KIAA1217: variants seen among roughly 807,000 people sequenced by gnomAD.
KIAA1217 encodes sickle tail protein homolog.
A neutral mutation model predicts 163.9 loss-of-function variants in KIAA1217; 88 were observed. That is an observed-to-expected ratio of 0.54 (90% CI 0.45 to 0.64). The LOEUF (loss-of-function observed/expected upper bound fraction) is 0.64. Ranked by LOEUF, KIAA1217 falls within the 30% of genes least tolerant of loss-of-function variation. KIAA1217 has a pLI of 0.00. For missense variants in KIAA1217, 2,372 were observed against 2,475.0 expected, an observed-to-expected ratio of 0.96 and a Z score of 0.88; for synonymous variants, 903 against 923.1, an observed-to-expected ratio of 0.98 and a Z score of 0.39.
At chr10:23,755,161 ATTCT>A (rs1375772507) in intron 1 of KIAA1217, among the ~76,000 whole-genome samples, 1 of 152,198 alleles carries the variant, frequency 6.6e-6, no homozygotes, top group Non-Finnish European at 1.5e-5. Context: ...TGTGGCCCAG[ATTCT>A]TTCCTGAGCT....
chr10:24,446,738 T>G (rs1440097413), intron 5 of KIAA1217, among the ~76,000 whole-genome samples: 1 of 152,206 alleles, frequency 6.6e-6, no homozygotes, highest in Non-Finnish European at 1.5e-5. Flanking sequence ...TTGCTTGTAT[T>G]TACTGCCATT....
intron 2 of KIAA1217, among the ~76,000 whole-genome samples, chr10:24,283,857 G>A (rs1251391194): frequency 1.3e-5 from 2 of 151,340 alleles, no homozygotes; most frequent in African/African-American, 2.4e-5. Flanking sequence ...GTTTTAATTT[G>A]CAATTCCTTA....
chr10:24,424,216 C>T (rs2058999186), intron 3 of KIAA1217, among the ~76,000 whole-genome samples: 1 of 152,154 alleles, frequency 6.6e-6, no homozygotes, highest in Admixed American at 6.5e-5. Context: ...CGGGAGAGTT[C>T]TCTCTGGGAT....
intron 1 of KIAA1217, among the ~76,000 whole-genome samples, chr10:23,997,262 A>G (rs1846530141): frequency 6.6e-6 from 1 of 152,212 alleles, no homozygotes; most frequent in African/African-American, 2.4e-5. Flanking sequence ...CCACATTATC[A>G]CATGTCCCCC....
At position 24,462,102 on chromosome 10, in the gene KIAA1217, A is replaced by G. The variant is rs145852067; in HGVS notation, c.847-11126A>G. ...CATATGTATAACTTGTGATATGGTG[A>G]TATCCATATAGTACTGAGTGATGTA... On this transcript the variant is annotated intron_variant, in intron 5 of 20. Coordinates refer to ENST00000376454, the MANE Select transcript of KIAA1217 (RefSeq NM_019590.5). Among the ~76,000 whole-genome samples, 360 of 152,070 alleles carry G rather than the reference A, an allele frequency of 2.4e-3. 2 individuals carry two copies. Among genetic ancestry groups the G allele is most frequent in the African/African-American group, 8.4e-3 (347 of 41,486 alleles).
intron 12 of KIAA1217, among the ~76,000 whole-genome samples, chr10:24,523,847 A>C (rs1158167406): frequency 6.6e-6 from 1 of 152,224 alleles, no homozygotes; most frequent in Non-Finnish European, 1.5e-5. Context: ...AGGAATAAAC[A>C]CGACCGTTAG....
intron 2 of KIAA1217, among the ~76,000 whole-genome samples, chr10:24,365,667 C>G (rs569426550): frequency 7.9e-5 from 12 of 152,180 alleles, no homozygotes; most frequent in African/African-American, 2.6e-4. Context: ...GTGTCACTCC[C>G]TTTTTCTCTT....
chr10:23,742,591 CCA>C (rs1554782583), intron 1 of KIAA1217, among the ~76,000 whole-genome samples: 1 of 151,974 alleles, frequency 6.6e-6, no homozygotes, highest in Non-Finnish European at 1.5e-5. Context: ...GGGGGAGGTG[CCA>C]CACACTTTTA....
intron 3 of KIAA1217, among the ~76,000 whole-genome samples, chr10:24,407,900 T>C (rs1194272547): frequency 6.6e-6 from 1 of 152,174 alleles, no homozygotes; most frequent in Non-Finnish European, 1.5e-5. Context: ...GGTTTCTGAA[T>C]TTTTTGGTTT....
chr10:24,098,542 C>G (rs1313878625), intron 2 of KIAA1217, among the ~76,000 whole-genome samples: 1 of 152,106 alleles, frequency 6.6e-6, no homozygotes. Flanking sequence ...AGCCTTGATA[C>G]CCTCTGTGGG....
intron 3 of KIAA1217, among the ~76,000 whole-genome samples, chr10:24,396,327 ACT>A (rs1256890693): frequency 2.0e-5 from 3 of 151,912 alleles, no homozygotes; most frequent in African/African-American, 7.3e-5. Context: ...ACAGAGTGAG[ACT>A]CTGTCTCAAA....
chr10:23,824,281 A>T (rs1157002960), intron 1 of KIAA1217, among the ~76,000 whole-genome samples: 1 of 151,852 alleles, frequency 6.6e-6, no homozygotes, highest in African/African-American at 2.4e-5. Context: ...GTCTCAAAAA[A>T]TATATAAATA....
intron 1 of KIAA1217, among the ~76,000 whole-genome samples, chr10:23,717,950 T>C (rs1837667511): frequency 6.6e-6 from 1 of 152,204 alleles, no homozygotes; most frequent in African/African-American, 2.4e-5. Flanking sequence ...AGATGTATCT[T>C]TCCAAAATAC....
intron 2 of KIAA1217, among the ~76,000 whole-genome samples, chr10:24,186,990 C>T (rs146409625): frequency 5.7e-4 from 87 of 152,306 alleles, no homozygotes; most frequent in African/African-American, 2.0e-3. Flanking sequence ...CTCTGTGACT[C>T]AGGCTATGTT....
chr10:23,843,971 G>A (rs1838905698), intron 1 of KIAA1217, among the ~76,000 whole-genome samples: 3 of 152,140 alleles, frequency 2.0e-5, no homozygotes, highest in African/African-American at 7.2e-5. Context: ...CACCAGTCTA[G>A]AGATCCTCTG....
chr10:24,362,685 A>G (rs994526838), intron 2 of KIAA1217, among the ~76,000 whole-genome samples: 1 of 152,158 alleles, frequency 6.6e-6, no homozygotes, highest in East Asian at 1.9e-4. Flanking sequence ...ATTTGACTCT[A>G]TGTAAAGTGA....
intron 1 of KIAA1217, among the ~76,000 whole-genome samples, chr10:23,958,978 G>C (rs530952436): frequency 2.0e-5 from 3 of 149,472 alleles, no homozygotes; most frequent in Admixed American, 6.8e-5. Flanking sequence ...ATCCACTACC[G>C]AGCCTGGAAG....
At chr10:23,727,687 T>C (rs1447264338) in intron 1 of KIAA1217, among the ~76,000 whole-genome samples, 1 of 152,222 alleles carries the variant, frequency 6.6e-6, no homozygotes, top group Non-Finnish European at 1.5e-5. Context: ...GGGATACATG[T>C]GCAGAACGTG....
At chr10:23,829,309 A>C (rs1484790159) in intron 1 of KIAA1217, among the ~76,000 whole-genome samples, 1 of 152,178 alleles carries the variant, frequency 6.6e-6, no homozygotes, top group Non-Finnish European at 1.5e-5. Context: ...ATTACTGGAC[A>C]CTTGAATCAC....
Sources: gnomAD v4.1 joint callset for allele counts (sites outside exome capture counted in the v4.1 genomes callset) on GRCh38, gnomAD v4.1.1 for gene constraint, MANE v1.5 for transcripts, NCBI Gene and HGNC (gene_info 2026-07-23, HGNC 2026-07-21) for gene names.